Variants in NUP214 observed in about 807,000 individuals in gnomAD.
NUP214 encodes the protein nucleoporin 214.
In NUP214, 79 loss-of-function variants were observed where a neutral mutation model predicts 196.2. That is an observed-to-expected ratio of 0.40 (90% CI 0.34 to 0.49). The LOEUF is 0.49. Among genes scored for constraint, NUP214 ranks in the 20% least tolerant of loss-of-function variants. NUP214 has a pLI of 0.58. For synonymous variants in NUP214, 1,020 were observed against 990.5 expected (o/e 1.03, Z -0.56); for missense variants, 2,468 against 2,539.0 (o/e 0.97, Z 0.60).
intron 31 of NUP214, among the ~76,000 whole-genome samples, chr9:131,221,890 A>G (rs1206598432): frequency 6.6e-6 from 1 of 151,050 alleles, no homozygotes; most frequent in African/African-American, 2.4e-5. Context: ...ATCCTGTGCT[A>G]TATTATCTGA....
At chr9:131,128,120 GT>G (rs1487220489) in intron 2 of NUP214, among the ~76,000 whole-genome samples, 3 of 152,154 alleles carry the variant, frequency 2.0e-5, no homozygotes, top group African/African-American at 7.2e-5. Context: ...GCCACAGTTA[GT>G]TTCCCCAGAT....
At chr9:131,160,797 C>T (rs147149070) in intron 18 of NUP214, among the ~76,000 whole-genome samples, 2 of 152,304 alleles carry the variant, frequency 1.3e-5, no homozygotes, top group Middle Eastern at 3.4e-3. Context: ...CAGCTTGCAG[C>T]ATAGATAGGT....
At chr9:131,212,934 C>G (rs1313068807) in intron 30 of NUP214, among the ~76,000 whole-genome samples, 1 of 152,056 alleles carries the variant, frequency 6.6e-6, no homozygotes, top group Non-Finnish European at 1.5e-5. Flanking sequence ...TGATGGGTGT[C>G]TGGAGGGTTC....
Position 131,151,911 on chromosome 9 carries a change from A to G in NUP214, c.2436+17A>G, listed in dbSNP as rs759444514. 1.3e-6 allele frequency: 2 copies of G among 1,569,880 alleles called. No homozygotes were observed. The highest frequency in any genetic ancestry group is 1.7e-6 in the Non-Finnish European group (2 of 1,162,436). On this transcript the variant is annotated intron_variant, in intron 17 of 35. Transcript: ENST00000359428. ...CAGCTTCAGGTAGGAGATCTATGTA[A>G]ATCTGTTTAAAAGATTTAAAAACAA... is the stretch of plus-strand genomic sequence containing the variant.
intron 4 of NUP214, among the ~76,000 whole-genome samples, chr9:131,130,161 T>TTTTTTTTTTTTTTTTG (rs1554728091): frequency 2.2e-5 from 3 of 136,412 alleles, no homozygotes; most frequent in Admixed American, 7.5e-5. Flanking sequence ...GTTTTTTTTT[T>TTTTTTTTTTTTTTTTG]GAGACAGAGT....
chr9:131,167,519 A>G (rs556814016), intron 21 of NUP214: 1 of 152,176 alleles, frequency 6.6e-6, no homozygotes. Context: ...GTTGGCTCAT[A>G]GTCTGTCCAT....
intron 30 of NUP214, among the ~76,000 whole-genome samples, chr9:131,212,282 A>G (rs921826356): frequency 1.3e-5 from 2 of 152,200 alleles, no homozygotes; most frequent in African/African-American, 4.8e-5. Context: ...ATGAAACTTC[A>G]TCAGCAATTC....
intron 29 of NUP214, among the ~76,000 whole-genome samples, chr9:131,200,759 T>C (rs928851599): frequency 6.6e-6 from 1 of 151,704 alleles, no homozygotes; most frequent in Non-Finnish European, 1.5e-5. Flanking sequence ...TCTCACTCCT[T>C]GTCTGGAGCT....
intron 4 of NUP214, among the ~76,000 whole-genome samples, chr9:131,130,257 C>T (rs866415346): frequency 6.8e-6 from 1 of 146,378 alleles, no homozygotes; most frequent in Non-Finnish European, 1.5e-5. Context: ...AATTCTCTTG[C>T]CTCAGACTCC....
Position 131,232,218 on chromosome 9 carries a change from C to A in NUP214, c.6215-66C>A. 6.4e-7 allele frequency: 1 copy of A among 1,569,312 alleles called. No homozygotes were observed. The highest frequency in any genetic ancestry group is 8.8e-7 in the Non-Finnish European group (1 of 1,139,074). ...AGCACAGAGGAGGGCAGACACTTAG[C>A]ATGGGGACCACCTTTGTCTTTCGAG... On this transcript the variant is annotated intron_variant, in intron 34 of 35. Coordinates refer to ENST00000359428, the MANE Select transcript of NUP214 (RefSeq NM_005085.4). The surrounding 1 kb of genome is among the most constrained non-coding windows in gnomAD (Gnocchi z 5.1).
chr9:131,145,043 T>C (rs1832048226), intron 12 of NUP214, among the ~76,000 whole-genome samples: 2 of 152,170 alleles, frequency 1.3e-5, no homozygotes, highest in Non-Finnish European at 2.9e-5. Flanking sequence ...TTCCTTATTT[T>C]AAAAAAAGAA....
rs772112983 is a variant in NUP214 at position 131,197,711 on chromosome 9, C to A, written c.4217C>A (p.Ser1406Tyr). The change falls in exon 29 of 36, where the codon TCC becomes TAC. Residue 1406 changes from serine (S) to tyrosine (Y), a missense_variant. Ser to Tyr is a moderately radical substitution (Grantham distance 144). Coordinates refer to ENST00000359428, the MANE Select transcript of NUP214 (RefSeq NM_005085.4). The stretch of plus-strand genomic sequence containing the variant: ...GCACCACCAGCAGCCACCAGCACTT[C>A]CTCAACTGCCGTTTTTGGCAGTCTG... ...SVAPPAATST[S>Y]STAVFGSLPV... The A allele has an allele frequency of 2.0e-5, 32 of 1,614,096 alleles. No homozygotes were observed. The highest frequency in any genetic ancestry group is 2.2e-5 in the Non-Finnish European group (26 of 1,180,042).
chr9:131,219,570 G>A, intron 31 of NUP214, among the ~76,000 whole-genome samples: 1 of 152,198 alleles, frequency 6.6e-6, no homozygotes, highest in East Asian at 1.9e-4. Context: ...TCTTCTCTCT[G>A]TCATCCCCAT....
intron 24 of NUP214, among the ~76,000 whole-genome samples, chr9:131,181,241 G>A (rs998379770): frequency 5.3e-5 from 8 of 152,090 alleles, no homozygotes; most frequent in South Asian, 2.1e-4. Flanking sequence ...GTTGAAGAGC[G>A]AGTCAGGGGG....
chr9:131,202,707 G>T (rs1198112028), intron 30 of NUP214, among the ~76,000 whole-genome samples: 4 of 151,980 alleles, frequency 2.6e-5, no homozygotes, highest in African/African-American at 9.7e-5. Flanking sequence ...CTCTCAAAGT[G>T]CTGGGATTAC....
chr9:131,146,372 A>ATCT lies in NUP214; in HGVS notation c.1945+68_1945+69insTCT. On this transcript the variant is annotated intron_variant, in intron 13 of 35. Transcript: ENST00000359428. The surrounding 1 kb of genome is among the most constrained non-coding windows in gnomAD (Gnocchi z 4.6). ...CTCAGATTAACGGTTTTAAGTGTTA[A>ATCT]GAGTCGTAGCTAACATAGTTGGACA... is the stretch of plus-strand genomic sequence containing the variant. The ATCT allele has an allele frequency of 6.7e-7, 1 of 1,493,602 alleles. No individual in the cohort carries two copies. The highest frequency in any genetic ancestry group is 9.3e-7 in the Non-Finnish European group (1 of 1,079,020). 92.5% of individuals were successfully genotyped at this position (1,493,602 alleles called of 1,614,324 possible). A position where few individuals can be genotyped will look rare whatever the true frequency, so the allele number is the denominator to read the frequency against.
chr9:131,148,699 T>C (rs2133506787), intron 14 of NUP214, among the ~76,000 whole-genome samples: 2 of 152,332 alleles, frequency 1.3e-5, no homozygotes, highest in South Asian at 4.1e-4. Context: ...TTCTTTTATG[T>C]TGTGTCTGTT....
At chr9:131,167,054 A>C (rs1048040406) in intron 21 of NUP214, 3 of 151,798 alleles carry the variant, frequency 2.0e-5, no homozygotes, top group African/African-American at 7.3e-5. Context: ...TTGATACTCA[A>C]ATTTTGCCGG....
intron 26 of NUP214, 147 bp downstream of exon 26, chr9:131,189,278 A>C (rs1588154882): frequency 1.5e-6 from 1 of 651,150 alleles, no homozygotes; most frequent in East Asian, 2.7e-5. Flanking sequence ...GACCATAGAC[A>C]AGAGATCATA....
Sources: allele counts gnomAD v4.1 joint callset (sites outside exome capture counted in the v4.1 genomes callset), GRCh38; gene constraint gnomAD v4.1.1; non-coding constraint Gnocchi (gnomAD v3.1); transcripts MANE v1.5; gene names NCBI Gene and HGNC (gene_info 2026-07-23, HGNC 2026-07-21).